Variants in NPHP4 observed in about 807,000 individuals in gnomAD.
NPHP4 encodes nephrocystin-4.
In NPHP4, 151 loss-of-function variants were observed where a neutral mutation model predicts 155.8. The ratio of observed to expected loss-of-function variants is 0.97; its 90% CI spans 0.85 to 1.11. NPHP4 has a LOEUF of 1.11. Among genes scored for constraint, NPHP4 ranks in the 50% least tolerant of loss-of-function variants. The pLI, the probability that NPHP4 is intolerant of heterozygous loss-of-function variation, is 0.00. For missense variants in NPHP4, 1,956 were observed against 1,925.7 expected (o/e 1.02, Z -0.29); for synonymous variants, 845 against 816.8 (o/e 1.03, Z -0.59).
At chr1:5,986,497 C>A (rs778282982) in intron 1 of NPHP4, among the ~76,000 whole-genome samples, 170 bp from the exon 2 acceptor site, 5 of 152,246 alleles carry the variant, frequency 3.3e-5, no homozygotes, top group Admixed American at 6.5e-5. Flanking sequence ...ACCCATGCTG[C>A]CTCCTCTAGG....
rs1442510913 is a variant in NPHP4 at position 5,910,550 on chromosome 1, A to G, written c.1442-1337T>C. Among the ~76,000 whole-genome samples the G allele has an allele frequency of 6.6e-6, 1 of 152,154 alleles. No homozygotes were observed. The highest frequency in any genetic ancestry group is 2.4e-5 in the African/African-American group (1 of 41,430). ...GGTATCCTGAATTCCTATGGCACAG[A>G]GCACAGGCCGGCACTTACGGGACCT... On this transcript the variant is annotated intron_variant, in intron 11 of 29. Coordinates refer to ENST00000378156, the MANE Select transcript of NPHP4 (RefSeq NM_015102.5). The surrounding 1 kb of genome is among the most constrained non-coding windows in gnomAD (Gnocchi z 5.4).
At chr1:5,965,684 C>T (rs983474242) in intron 5 of NPHP4, among the ~76,000 whole-genome samples, 1 of 152,088 alleles carries the variant, frequency 6.6e-6, no homozygotes, top group Non-Finnish European at 1.5e-5. Flanking sequence ...CCACATGCCC[C>T]GGCCCATGCT....
rs1156882794 is a variant in NPHP4 at position 5,892,935 on chromosome 1, G to A, written c.2144-1907C>T. On this transcript the variant is annotated intron_variant, in intron 16 of 29. Coordinates refer to ENST00000378156, the MANE Select transcript of NPHP4 (RefSeq NM_015102.5). The surrounding 1 kb of genome is among the most constrained non-coding windows in gnomAD (Gnocchi z 4.5). Reference sequence around the variant, plus strand: ...TGGAATCCTCACTGCTTCTGGGGTTGAGGAAACAGAAAACACAGTAATGGT... The same window carrying A: ...TGGAATCCTCACTGCTTCTGGGGTTAAGGAAACAGAAAACACAGTAATGGT... 6.6e-6 allele frequency among the ~76,000 whole-genome samples: 1 copy of A among 152,164 alleles called. No individual in the cohort carries two copies. The highest frequency in any genetic ancestry group is 1.5e-5 in the Non-Finnish European group (1 of 68,026).
intron 3 of NPHP4, among the ~76,000 whole-genome samples, chr1:5,975,150 G>T (rs1191746966): frequency 3.3e-5 from 5 of 152,272 alleles, no homozygotes; most frequent in Admixed American, 2.0e-4. Flanking sequence ...GGGAGCACTC[G>T]GTGCTTCATC....
At chr1:5,894,633 A>G (rs947863047) in intron 16 of NPHP4, among the ~76,000 whole-genome samples, 2 of 152,294 alleles carry the variant, frequency 1.3e-5, no homozygotes, top group African/African-American at 4.8e-5. Flanking sequence ...ATAGCCTTGA[A>G]TCCTGGTATA....
At chr1:5,981,965 C>T (rs1217653639) in intron 2 of NPHP4, among the ~76,000 whole-genome samples, 1 of 152,176 alleles carries the variant, frequency 6.6e-6, no homozygotes, top group Non-Finnish European at 1.5e-5. Flanking sequence ...AGTGTTCCCT[C>T]CTCCTCTATT....
At chr1:5,952,677 C>A (rs1244715383) in intron 7 of NPHP4, 23 bp downstream of exon 7, 2 of 1,538,450 alleles carry the variant, frequency 1.3e-6, no homozygotes, top group African/African-American at 1.4e-5. Context: ...ACCCTGCCCC[C>A]CATCACGCTT....
At position 5,933,192 on chromosome 1, in the gene NPHP4, G is replaced by T. The variant is rs768393994; in HGVS notation, c.1257C>A (p.His419Gln). The change falls in exon 10 of 30, where the codon CAC becomes CAA. Residue 419 changes from histidine to glutamine, a missense_variant. Physicochemically the swap from His to Gln is conservative, Grantham distance 24 (BLOSUM62 0). Coordinates refer to ENST00000378156, the MANE Select transcript of NPHP4 (RefSeq NM_015102.5). The part of the protein sequence containing the change: ...LQGGIQPNPS[H>Q]CLVYKVPSAS... ...CTGAGGGTACCTTGTAGACCAGACA[G>T]TGCGAGGGGTTGGGCTGGATCCCAC... The T allele has an allele frequency of 6.2e-7, 1 of 1,613,752 alleles. No homozygotes were observed. Among genetic ancestry groups the T allele is most frequent in the Non-Finnish European group, 8.5e-7 (1 of 1,179,696 alleles).
intron 4 of NPHP4, among the ~76,000 whole-genome samples, chr1:5,968,703 C>T (rs1408067070): frequency 6.6e-6 from 1 of 152,056 alleles, no homozygotes; most frequent in Non-Finnish European, 1.5e-5. Context: ...CTACTGCCAC[C>T]ATAAGACGAG....
rs1644829115 is a variant in NPHP4 at position 5,904,705 on chromosome 1, C to G, written c.2055G>C (p.Leu685=). Residue 685 remains leucine (L), a synonymous_variant, in exon 16 of 30, where the codon CTG becomes CTC. Transcript: ENST00000378156. ...GCTGGCCGGCCTCATCCAGCTGGAC[C>G]AGCTGCAGTCGTGGCGTCGTTGCGG... ...FPPATTPRLQ[L]VQLDEAGQPS... 2 of 1,614,052 alleles carry G rather than the reference C, an allele frequency of 1.2e-6. No individual in the cohort carries two copies. Among genetic ancestry groups the G allele is most frequent in the Non-Finnish European group, 1.7e-6 (2 of 1,179,900 alleles).
intron 11 of NPHP4, among the ~76,000 whole-genome samples, chr1:5,922,498 GCCTC>G (rs1645792430): frequency 1.3e-5 from 2 of 151,762 alleles, no homozygotes; most frequent in Non-Finnish European, 2.9e-5. Context: ...GAAAGGTGAA[GCCTC>G]CCTCCTTCTT....
rs546616658 is a variant in NPHP4, at chr1:5,880,232, C to A, written c.2493G>T (p.Pro831=). The A allele has an allele frequency of 6.2e-7, 1 of 1,613,418 alleles. No homozygotes were observed. Among genetic ancestry groups the A allele is most frequent in the Non-Finnish European group, 8.5e-7 (1 of 1,179,610 alleles). Residue 831 remains proline (P), a synonymous_variant, in exon 19 of 30, where the codon CCG becomes CCT. Transcript: ENST00000378156. ...LHLTLANVGH[P]CEQKVRGCST... Reference sequence around the variant, plus strand: ...TACAACCTCTCACTTTCTGTTCACACGGGTGACCTACATGAAAAACATCCC... The same window carrying A: ...TACAACCTCTCACTTTCTGTTCACAAGGGTGACCTACATGAAAAACATCCC...
At position 5,961,649 on chromosome 1, in the gene NPHP4, C is replaced by A. The variant is rs1650335753; in HGVS notation, c.673+145G>T. 4 of 699,546 alleles carry A rather than the reference C, an allele frequency of 5.7e-6. No individual in the cohort carries two copies. In the East Asian group the frequency reaches 1.1e-4, roughly 19 times the overall value. The allele number at this position is 699,546 out of a possible 1,614,324, so 43.3% of individuals were successfully genotyped here. A position where few individuals can be genotyped will look rare whatever the true frequency, so the allele number is the denominator to read the frequency against. On this transcript the variant is annotated intron_variant, in intron 6 of 29. Transcript: ENST00000378156. Reference sequence around the variant, plus strand: ...CATTCCATCCTCCTCCACTGTCCCCCACAACCCCCGCCAGGCCGTGCTGCT... The same window carrying A: ...CATTCCATCCTCCTCCACTGTCCCCAACAACCCCCGCCAGGCCGTGCTGCT...
intron 6 of NPHP4, among the ~76,000 whole-genome samples, chr1:5,953,249 G>A (rs1460628926): frequency 6.6e-6 from 1 of 152,142 alleles, no homozygotes; most frequent in Non-Finnish European, 1.5e-5. Flanking sequence ...GCGATTACAG[G>A]TGACTACCAT....
chr1:5,878,182 C>T (rs17432065), intron 19 of NPHP4, among the ~76,000 whole-genome samples: 18,157 of 152,276 alleles, frequency 0.12, 1,393 homozygotes, highest in Non-Finnish European at 0.17. Flanking sequence ...CCGAGCTCTC[C>T]CAGCCTGGTT....
intron 20 of NPHP4, 152 bp from the exon 21 acceptor site, chr1:5,875,252 G>A (rs1253930192): frequency 2.9e-6 from 2 of 696,726 alleles, no homozygotes; most frequent in Non-Finnish European, 5.0e-6. Flanking sequence ...ATGTGGTCTG[G>A]GTGGAACTGG....
intron 9 of NPHP4, among the ~76,000 whole-genome samples, chr1:5,935,553 T>C (rs1343934413): frequency 6.6e-6 from 1 of 152,188 alleles, no homozygotes; most frequent in East Asian, 1.9e-4. Context: ...ACCAACGACA[T>C]GGTGATTATA....
intron 9 of NPHP4, among the ~76,000 whole-genome samples, chr1:5,937,429 T>A (rs1426903481): frequency 6.6e-6 from 1 of 152,240 alleles, no homozygotes; most frequent in Non-Finnish European, 1.5e-5. Context: ...CAGATCAACC[T>A]GAACTTACTT....
chr1:5,935,324 C>T (rs941207704), intron 9 of NPHP4, among the ~76,000 whole-genome samples: 1 of 152,128 alleles, frequency 6.6e-6, no homozygotes, highest in Non-Finnish European at 1.5e-5. Context: ...CACATTCACG[C>T]CCCCGTCACA....
Sources: allele counts gnomAD v4.1 joint callset (sites outside exome capture counted in the v4.1 genomes callset), GRCh38; gene constraint gnomAD v4.1.1; non-coding constraint Gnocchi (gnomAD v3.1); transcripts MANE v1.5; gene names NCBI Gene and HGNC (gene_info 2026-07-23, HGNC 2026-07-21).